The following GRIP1 variants were observed in gnomAD, a reference collection of about 807,000 sequenced individuals.
The protein encoded by GRIP1 is glutamate receptor interacting protein 1.
In GRIP1, 45 loss-of-function variants were observed where a neutral mutation model predicts 129.9. The observed-to-expected ratio is 0.35, with a 90% CI of 0.27 to 0.44. GRIP1 has a LOEUF of 0.44. Ranked by LOEUF, GRIP1 falls within the 20% of genes least tolerant of loss-of-function variation. GRIP1 has a pLI of 1.00. For missense variants in GRIP1, 1,196 were observed against 1,396.8 expected (o/e 0.86, Z 2.29); for synonymous variants, 530 against 520.8 (o/e 1.02, Z -0.24).
At chr12:66,894,465 T>C (rs796595291) in intron 1 of GRIP1, among the ~76,000 whole-genome samples, 2 of 152,314 alleles carry the variant, frequency 1.3e-5, no homozygotes, top group African/African-American at 4.8e-5. Context: ...ACTTATAGTT[T>C]GATACACTTT....
At chr12:66,936,291 T>C (rs1169847235) in intron 1 of GRIP1, among the ~76,000 whole-genome samples, 5 of 152,018 alleles carry the variant, frequency 3.3e-5, no homozygotes. Flanking sequence ...CCGAGCATGG[T>C]GGCATTCACC....
At chr12:66,379,061 T>C (rs2055967323) in intron 20 of GRIP1, among the ~76,000 whole-genome samples, 1 of 152,246 alleles carries the variant, frequency 6.6e-6, no homozygotes, top group Admixed American at 6.5e-5. Context: ...ACTACTGTTT[T>C]CGTTAGGGGA....
At chr12:66,716,528 T>A (rs113436081) in intron 1 of GRIP1, among the ~76,000 whole-genome samples, 62 of 151,176 alleles carry the variant, frequency 4.1e-4, no homozygotes, top group East Asian at 1.2e-3. Context: ...GAAAAAAAAA[T>A]TTTTAAATTT....
chr12:66,853,773 G>A (rs1217025197), intron 1 of GRIP1, among the ~76,000 whole-genome samples: 2 of 152,050 alleles, frequency 1.3e-5, no homozygotes, highest in Non-Finnish European at 1.5e-5. Flanking sequence ...ACACTATATT[G>A]AGGCTGCAGA....
At chr12:66,383,200 G>C (rs532337910) in intron 19 of GRIP1, among the ~76,000 whole-genome samples, 3 of 152,052 alleles carry the variant, frequency 2.0e-5, no homozygotes, top group Non-Finnish European at 4.4e-5. Context: ...TGGAGGCTGA[G>C]GCAGGAGAAT....
intron 2 of GRIP1, among the ~76,000 whole-genome samples, chr12:66,560,824 T>C (rs2062500771): frequency 6.6e-6 from 1 of 152,056 alleles, no homozygotes; most frequent in Non-Finnish European, 1.5e-5. Context: ...CATATACCCA[T>C]ATACTGCTAG....
chr12:66,406,361 T>C lies in GRIP1; in HGVS notation c.1906A>G (p.Met636Val), dbSNP rs776018105. 2 of 1,613,960 alleles carry C rather than the reference T, an allele frequency of 1.2e-6. No individual in the cohort carries two copies. The highest frequency in any genetic ancestry group is 1.3e-5 in the African/African-American group (1 of 75,070). The part of the protein sequence containing the change: ...IDNIRLDNCS[M>V]EDAVQILQQC... Reference sequence around the variant, plus strand: ...TGGAGGATCTGAACTGCATCTTCCATGGAACAGTTGTCCAGCCGGATATTA... The same window carrying C: ...TGGAGGATCTGAACTGCATCTTCCACGGAACAGTTGTCCAGCCGGATATTA... The change falls in exon 16 of 25, where the codon ATG becomes GTG. Residue 636 changes from methionine (M) to valine (V), a missense_variant. Met to Val is a conservative substitution (Grantham distance 21). Around this residue, in one of 5 missense-constraint regions of GRIP1, gnomAD observed 508 missense variants for 587.0 expected, o/e 0.87. Transcript: ENST00000359742.
intron 1 of GRIP1, among the ~76,000 whole-genome samples, chr12:66,943,864 T>A (rs2041625971): frequency 1.3e-5 from 2 of 152,214 alleles, no homozygotes; most frequent in African/African-American, 4.8e-5. Context: ...AAGTTCCCTC[T>A]GTATCAGTTA....
chr12:66,672,105 A>G (rs1240365611), intron 1 of GRIP1, among the ~76,000 whole-genome samples: 1 of 152,188 alleles, frequency 6.6e-6, no homozygotes, highest in Admixed American at 6.5e-5. Context: ...ACTTATTAAA[A>G]AGCATAATAA....
At chr12:66,815,854 T>TCTCTC (rs374620257) in intron 1 of GRIP1, among the ~76,000 whole-genome samples, 12,513 of 116,656 alleles carry the variant, frequency 0.11, 837 homozygotes, top group Admixed American at 0.14. Context: ...CTTTCTTTCT[T>TCTCTC]TCTCTCTCTC....
intron 7 of GRIP1, among the ~76,000 whole-genome samples, chr12:66,470,172 G>A (rs1449911079): frequency 2.0e-5 from 3 of 151,964 alleles, no homozygotes; most frequent in Non-Finnish European, 4.4e-5. Flanking sequence ...ATCTCATCAC[G>A]TTAATCCCAA....
At chr12:66,549,327 G>C (rs1195010243) in intron 2 of GRIP1, among the ~76,000 whole-genome samples, 1 of 152,102 alleles carries the variant, frequency 6.6e-6, no homozygotes, top group Non-Finnish European at 1.5e-5. Flanking sequence ...CTGAACAGGA[G>C]CAGACAGAGT....
intron 7 of GRIP1, among the ~76,000 whole-genome samples, chr12:66,491,458 G>A (rs965866199): frequency 2.0e-5 from 3 of 152,152 alleles, no homozygotes; most frequent in African/African-American, 7.2e-5. Flanking sequence ...ACTGGGGCCT[G>A]TCAGAGTGGT....
At chr12:66,409,581 G>A (rs2057312909) in intron 15 of GRIP1, among the ~76,000 whole-genome samples, 2 of 152,160 alleles carry the variant, frequency 1.3e-5, no homozygotes, top group Admixed American at 1.3e-4. Flanking sequence ...GTACAAACAA[G>A]CCCAGACTGC....
At chr12:66,703,984 G>A (rs2035439694) in intron 1 of GRIP1, among the ~76,000 whole-genome samples, 1 of 151,962 alleles carries the variant, frequency 6.6e-6, no homozygotes, top group Non-Finnish European at 1.5e-5. Flanking sequence ...AAAAACACAA[G>A]TGACAAAGGT....
At chr12:66,409,959 GATA>G (rs1431436548) in intron 15 of GRIP1, among the ~76,000 whole-genome samples, 1 of 152,184 alleles carries the variant, frequency 6.6e-6, no homozygotes, top group Non-Finnish European at 1.5e-5. Flanking sequence ...AAGCAGAAGA[GATA>G]ATTAGTGGCC....
intron 1 of GRIP1, among the ~76,000 whole-genome samples, chr12:66,677,862 CCATTAA>C (rs759381761): frequency 2.6e-5 from 4 of 152,122 alleles, no homozygotes; most frequent in Non-Finnish European, 5.9e-5. Flanking sequence ...GAAATAGCAT[CCATTAA>C]CATATTTATA....
At chr12:66,352,033 T>A (rs908570551) in intron 24 of GRIP1, among the ~76,000 whole-genome samples, 3 of 151,990 alleles carry the variant, frequency 2.0e-5, no homozygotes, top group African/African-American at 7.3e-5. Context: ...AAGGAAAGAG[T>A]ATATAAGGCT....
At chr12:66,810,514 G>A (rs767828615) in intron 1 of GRIP1, among the ~76,000 whole-genome samples, 29 of 152,114 alleles carry the variant, frequency 1.9e-4, no homozygotes, top group South Asian at 4.1e-4. Context: ...GCGAGATCAC[G>A]CCACTGCACT....
Sources: allele counts gnomAD v4.1 joint callset (sites outside exome capture counted in the v4.1 genomes callset), GRCh38; gene constraint gnomAD v4.1.1; regional missense constraint gnomAD v4.1.1; transcripts MANE v1.5; gene names NCBI Gene and HGNC (gene_info 2026-07-23, HGNC 2026-07-21).